Variants in AREG observed in about 807,000 individuals in gnomAD.
AREG encodes the protein amphiregulin.
In AREG, 16 loss-of-function variants were observed where a neutral mutation model predicts 28.0. The ratio of observed to expected loss-of-function variants is 0.57; its 90% CI spans 0.39 to 0.87. The LOEUF (loss-of-function observed/expected upper bound fraction) is 0.87. Among genes scored for constraint, AREG ranks in the 40% least tolerant of loss-of-function variants. AREG has a pLI of 0.00. For synonymous variants in AREG, 113 were observed against 113.5 expected (o/e 1.00, Z 0.02); for missense variants, 287 against 309.1 (o/e 0.93, Z 0.53).
Position 74,450,450 on chromosome 4 carries a change from A to G in AREG, c.583A>G (p.Ser195Gly), listed in dbSNP as rs1419192541. The G allele has an allele frequency of 3.7e-6, 6 of 1,613,872 alleles. No homozygotes were observed. In the African/African-American group the frequency reaches 8.0e-5, roughly 22 times the overall value. ...SMKTHSMIDS[S>G]LSKIALAAIA... ...GAAAACTCACAGCATGATTGACAGT[A>G]GTTTATCAAAAATTGCATTAGCAGC... The change falls in exon 4 of 6, where the codon AGT (serine) becomes GGT (glycine). Residue 195 changes from serine (S) to glycine (G), a missense_variant. Ser to Gly is a moderately conservative substitution (Grantham distance 56, BLOSUM62 0). Transcript: ENST00000395748.
intron 2 of AREG, 88 bp from the exon 3 acceptor site, chr4:74,448,959 C>A: frequency 6.4e-7 from 1 of 1,556,354 alleles, no homozygotes; most frequent in Non-Finnish European, 8.7e-7. Flanking sequence ...CCCCTGTGAG[C>A]GCTCACTGCT....
At chr4:74,453,709 C>T (rs1385323802) in intron 5 of AREG, among the ~76,000 whole-genome samples, 1 of 152,020 alleles carries the variant, frequency 6.6e-6, no homozygotes, top group Non-Finnish European at 1.5e-5. Context: ...GAGTGCAAGA[C>T]CAGCCTGGCC....
Position 74,449,038 on chromosome 4 carries a change from CT to C in AREG, c.311-3del, listed in dbSNP as rs1267456101. 3 of 1,607,410 alleles carry C rather than the reference CT, an allele frequency of 1.9e-6. No individual in the cohort carries two copies. Among genetic ancestry groups the C allele is most frequent in the Non-Finnish European group, 8.5e-7 (1 of 1,178,868 alleles). On this transcript the variant is annotated splice_region_variant and splice_polypyrimidine_tract_variant and intron_variant, in intron 2 of 5. Transcript: ENST00000395748. The stretch of plus-strand genomic sequence containing the variant: ...AGAGACTCTTGTCAATAAATCTTTT[CT>C]TTTTTAGTTGAACAGGTAGTTAAGC...
At chr4:74,451,070 T>C (rs1719373295) in intron 4 of AREG, among the ~76,000 whole-genome samples, 1 of 152,238 alleles carries the variant, frequency 6.6e-6, no homozygotes, top group South Asian at 2.1e-4. Context: ...CTTATGCTTA[T>C]TTTGTTACTA....
chr4:74,446,627 C>A lies in AREG; in HGVS notation c.155C>A (p.Thr52Asn), dbSNP rs1004623409. The A allele has an allele frequency of 1.2e-6, 2 of 1,613,964 alleles. No homozygotes were observed. Among genetic ancestry groups the A allele is most frequent in the Non-Finnish European group, 1.7e-6 (2 of 1,179,866 alleles). ...GDHSADGFEVTSRSEMSSGSE... is the reference protein window; with the variant it reads ...GDHSADGFEVNSRSEMSSGSE... ...CACAGTGCTGATGGATTTGAGGTTACCTCAAGAAGTGAGATGTCTTCAGGG... is the reference window on the plus strand; with the variant it reads ...CACAGTGCTGATGGATTTGAGGTTAACTCAAGAAGTGAGATGTCTTCAGGG... The change falls in exon 2 of 6, where the codon ACC becomes AAC. Residue 52 changes from threonine (T) to asparagine (N), a missense_variant. Thr to Asn is a moderately conservative substitution (Grantham distance 65). Transcript: ENST00000395748.
chr4:74,446,075 T>A (rs1280996375), intron 1 of AREG, among the ~76,000 whole-genome samples: 2 of 149,052 alleles, frequency 1.3e-5, no homozygotes, highest in East Asian at 3.9e-4. Context: ...TTTAAAAATA[T>A]GAACACATCT....
intron 5 of AREG, 111 bp from the exon 6 acceptor site, chr4:74,454,648 A>G: frequency 1.8e-6 from 1 of 549,892 alleles, no homozygotes; most frequent in Non-Finnish European, 3.2e-6. Flanking sequence ...AACTGACAGA[A>G]ATTCTGATTC....
At chr4:74,446,436 C>T (rs1719287518) in intron 1 of AREG, 98 bp from the exon 2 acceptor site, 8 of 1,602,494 alleles carry the variant, frequency 5.0e-6, no homozygotes, top group South Asian at 2.2e-5. Context: ...GCAATAACTG[C>T]TTTGATGTCA....
chr4:74,452,160 C>T (rs2643005), intron 4 of AREG, among the ~76,000 whole-genome samples: 109,970 of 152,006 alleles, frequency 0.72, 40,191 homozygotes, highest in East Asian at 0.98. Context: ...AAGCCTGTTT[C>T]AAAAATATTT....
intron 5 of AREG, among the ~76,000 whole-genome samples, chr4:74,453,105 A>G (rs2110413315): frequency 1.3e-5 from 2 of 152,298 alleles, no homozygotes; most frequent in East Asian, 3.9e-4. Flanking sequence ...GGTTCAAGAA[A>G]CTGTGAAGGG....
intron 2 of AREG, chr4:74,448,833 A>G (rs1395610417): frequency 5.0e-6 from 3 of 605,394 alleles, no homozygotes; most frequent in Admixed American, 3.6e-5. Flanking sequence ...ATTCCCAACT[A>G]TAATCATGAG....
At position 74,446,762 on chromosome 4, in the gene AREG, T is replaced by C. The variant is rs752162713; in HGVS notation, c.290T>C (p.Ile97Thr). 2 of 1,613,960 alleles carry C rather than the reference T, an allele frequency of 1.2e-6. No individual in the cohort carries two copies. Among genetic ancestry groups the C allele is most frequent in the South Asian group, 1.1e-5 (1 of 91,078 alleles). ...YDNEPQIPGYIVDDSVRVEQV... is the reference protein window; with the variant it reads ...YDNEPQIPGYTVDDSVRVEQV... ...AACGAACCACAAATACCTGGCTATATTGTCGATGATTCAGTCAGAGGTGAG... is the reference window on the plus strand; with the variant it reads ...AACGAACCACAAATACCTGGCTATACTGTCGATGATTCAGTCAGAGGTGAG... Residue 97 changes from isoleucine (I) to threonine (T), a missense_variant, in exon 2 of 6, where the codon ATT becomes ACT. Physicochemically the swap from Ile to Thr is moderately conservative, Grantham distance 89 (BLOSUM62 -1). Coordinates refer to ENST00000395748, the MANE Select transcript of AREG (RefSeq NM_001657.4).
chr4:74,450,018 A>G (rs996232853), intron 3 of AREG, among the ~76,000 whole-genome samples: 16 of 151,934 alleles, frequency 1.1e-4, no homozygotes, highest in African/African-American at 3.9e-4. Flanking sequence ...ATTTTTGCAT[A>G]ATCTTTCACA....
At chr4:74,450,969 C>T (rs1719371815) in intron 4 of AREG, among the ~76,000 whole-genome samples, 1 of 152,116 alleles carries the variant, frequency 6.6e-6, no homozygotes, top group African/African-American at 2.4e-5. Flanking sequence ...TACAAATCAT[C>T]AGCAGTAAAG....
intron 1 of AREG, among the ~76,000 whole-genome samples, chr4:74,446,046 TA>T (rs1350435352): frequency 4.5e-5 from 4 of 88,068 alleles, no homozygotes; most frequent in South Asian, 3.7e-4. Context: ...AAATATCTTT[TA>T]AAAATATGAA....
chr4:74,450,576 G>A (rs2291717), intron 4 of AREG, 44 bp downstream of exon 4: 432,883 of 1,605,950 alleles, frequency 0.27, 62,552 homozygotes, highest in East Asian at 0.48. Flanking sequence ...AATAATGGGA[G>A]GTTAATTTTT....
At position 74,454,753 on chromosome 4, in the gene AREG, T is replaced by G; in HGVS notation, c.*19-6T>G. The G allele has an allele frequency of 1.5e-6, 1 of 679,344 alleles. No homozygotes were observed. Among genetic ancestry groups the G allele is most frequent in the Non-Finnish European group, 2.7e-6 (1 of 374,442 alleles). The allele number at this position is 679,344 out of a possible 1,614,324, so 42.1% of individuals were successfully genotyped here. A position where few individuals can be genotyped will look rare whatever the true frequency, so the allele number is the denominator to read the frequency against. On this transcript the variant is annotated splice_polypyrimidine_tract_variant and splice_region_variant and intron_variant, in intron 5 of 5. Coordinates refer to ENST00000395748, the MANE Select transcript of AREG (RefSeq NM_001657.4). ...TATTATTTTATTTTATTTTATTTTC[T>G]CACAGGATATCACATTGGAGTCACT...
rs745461699 is a variant in AREG, at chr4:74,446,701, T to C, written c.229T>C (p.Ser77Pro). The change falls in exon 2 of 6, where the codon TCG becomes CCG. Residue 77 changes from serine to proline, a missense_variant. Physicochemically the swap from Ser to Pro is moderately conservative, Grantham distance 74. Coordinates refer to ENST00000395748, the MANE Select transcript of AREG (RefSeq NM_001657.4). The stretch of plus-strand genomic sequence containing the variant: ...AATGCCTTCTAGTAGTGAACCGTCC[T>C]CGGGAGCCGACTATGACTACTCAGA... ...SEMPSSSEPS[S>P]GADYDYSEEY... The C allele has an allele frequency of 2.5e-6, 4 of 1,613,834 alleles. No homozygotes were observed. The highest frequency in any genetic ancestry group is 3.4e-6 in the Non-Finnish European group (4 of 1,179,866).
chr4:74,448,896 A>C (rs1200794099), intron 2 of AREG, 151 bp from the exon 3 acceptor site: 4 of 1,102,390 alleles, frequency 3.6e-6, no homozygotes, highest in Non-Finnish European at 5.1e-6. Context: ...AGGGTTATGC[A>C]GTCCTCTCTA....
Sources: allele counts gnomAD v4.1 joint callset (sites outside exome capture counted in the v4.1 genomes callset), GRCh38; gene constraint gnomAD v4.1.1; transcripts MANE v1.5; gene names NCBI Gene and HGNC (gene_info 2026-07-23, HGNC 2026-07-21).